The following CCDC47 variants were observed in gnomAD, a reference collection of about 807,000 sequenced individuals.
CCDC47 encodes the protein coiled-coil domain containing 47.
CCDC47 carries 41 observed loss-of-function variants against 60.5 expected under a neutral mutation model. That is an observed-to-expected ratio of 0.68 (90% CI 0.53 to 0.88). CCDC47 has a LOEUF of 0.88. CCDC47 is among the 40% of genes least tolerant of loss of function. The pLI, the probability that CCDC47 is intolerant of heterozygous loss-of-function variation, is 0.00. For synonymous variants in CCDC47, 195 were observed against 190.7 expected, an observed-to-expected ratio of 1.02 and a Z score of -0.18; for missense variants, 513 against 580.9, an observed-to-expected ratio of 0.88 and a Z score of 1.20.
chr17:63,773,147 A>T (rs1175602943), intron 1 of CCDC47, among the ~76,000 whole-genome samples: 2 of 152,244 alleles, frequency 1.3e-5, no homozygotes, highest in Non-Finnish European at 2.9e-5. Flanking sequence ...GACTGGCCAC[A>T]GAGGTTTTTG....
Position 63,761,074 on chromosome 17 carries a change from T to C in CCDC47, c.670-95A>G, listed in dbSNP as rs879104043. Reference sequence around the variant, plus strand: ...GGAGAATCAAATGCTTCATCAAATATACTTTACGACACATTTGCCAGTTAG... The same window carrying C: ...GGAGAATCAAATGCTTCATCAAATACACTTTACGACACATTTGCCAGTTAG... On this transcript the variant is annotated intron_variant, in intron 5 of 12. Coordinates refer to ENST00000225726, the MANE Select transcript of CCDC47 (RefSeq NM_020198.3). 3.8e-5 allele frequency: 52 copies of C among 1,378,332 alleles called. No homozygotes were observed. The South Asian group carries it at 5.8e-4, about 15-fold the overall frequency. The allele number at this position is 1,378,332 out of a possible 1,614,324, so 85.4% of individuals were successfully genotyped here. A position where few individuals can be genotyped will look rare whatever the true frequency, so the allele number is the denominator to read the frequency against.
intron 6 of CCDC47, 49 bp downstream of exon 6, chr17:63,760,865 A>C (rs778733499): frequency 7.7e-7 from 1 of 1,306,964 alleles, no homozygotes; most frequent in South Asian, 1.3e-5. Context: ...AAAGAAAGAA[A>C]ACAAATAATT....
intron 9 of CCDC47, among the ~76,000 whole-genome samples, 172 bp downstream of exon 9, chr17:63,754,261 G>A (rs1207774625): frequency 6.6e-6 from 1 of 152,154 alleles, no homozygotes; most frequent in Non-Finnish European, 1.5e-5. Context: ...TCTCCCATAG[G>A]TTTACAATGA....
chr17:63,755,636 C>T (rs1291325258), intron 8 of CCDC47, among the ~76,000 whole-genome samples: 1 of 152,062 alleles, frequency 6.6e-6, no homozygotes, highest in Non-Finnish European at 1.5e-5. Context: ...CTTGAACTTA[C>T]ATTTATAACC....
intron 11 of CCDC47, 31 bp downstream of exon 11, chr17:63,752,289 C>T: frequency 6.6e-7 from 1 of 1,525,590 alleles, no homozygotes; most frequent in African/African-American, 1.4e-5. Flanking sequence ...AAAAAGGTGC[C>T]AATTTATATA....
At chr17:63,762,467 T>C (rs1402924263) in intron 4 of CCDC47, among the ~76,000 whole-genome samples, 2 of 152,204 alleles carry the variant, frequency 1.3e-5, no homozygotes. Flanking sequence ...ACAGCAACTA[T>C]AGCCAATTGA....
Position 63,746,216 on chromosome 17 carries a change from C to A in CCDC47, c.*665G>T, listed in dbSNP as rs964931360. 1.3e-5 allele frequency: 2 copies of A among 152,218 alleles called. No individual in the cohort carries two copies. Among genetic ancestry groups the A allele is most frequent in the Admixed American group, 1.3e-4 (2 of 15,278 alleles). The allele number at this position is 152,218 out of a possible 1,614,324, so 9.4% of individuals were successfully genotyped here. A position where few individuals can be genotyped will look rare whatever the true frequency, so the allele number is the denominator to read the frequency against. ...GGTATCAGGTAAGGAAAAAATGATG[C>A]TCCTGTCCCTAGAATTTTCCATGTA... On this transcript the variant is annotated 3_prime_UTR_variant, in exon 13 of 13. Transcript: ENST00000225726.
At chr17:63,765,258 T>C (rs2039289371) in intron 2 of CCDC47, among the ~76,000 whole-genome samples, 1 of 152,160 alleles carries the variant, frequency 6.6e-6, no homozygotes, top group Admixed American at 6.6e-5. Flanking sequence ...ATACAATTTT[T>C]GTCAGTTACA....
intron 1 of CCDC47, among the ~76,000 whole-genome samples, chr17:63,769,217 T>C (rs1266882533): frequency 1.4e-5 from 2 of 146,890 alleles, no homozygotes; most frequent in Non-Finnish European, 3.0e-5. Flanking sequence ...GCCACTGCAC[T>C]ACAGCCTGGG....
chr17:63,749,713 C>T (rs1352969222), intron 12 of CCDC47, among the ~76,000 whole-genome samples: 4 of 150,680 alleles, frequency 2.7e-5, no homozygotes, highest in Admixed American at 1.3e-4. Flanking sequence ...CGCGCCACTG[C>T]ACTCCAGCCT....
chr17:63,767,627 C>T (rs1381558901), intron 1 of CCDC47, among the ~76,000 whole-genome samples: 1 of 152,018 alleles, frequency 6.6e-6, no homozygotes, highest in East Asian at 1.9e-4. Flanking sequence ...TTTTGACGCC[C>T]TACAAACTTT....
intron 6 of CCDC47, among the ~76,000 whole-genome samples, chr17:63,758,805 G>T (rs2039227205): frequency 6.6e-6 from 1 of 152,158 alleles, no homozygotes; most frequent in African/African-American, 2.4e-5. Context: ...GAACTGGTAA[G>T]ATGGCAGCTG....
intron 4 of CCDC47, chr17:63,762,124 TAA>T (rs1598309816): frequency 1.0e-6 from 1 of 984,366 alleles, no homozygotes; most frequent in African/African-American, 1.7e-5. Context: ...CTAATGGTAT[TAA>T]GAGTTGTATT....
In CCDC47 at chr17:63,756,479, ATC is replaced by A; in HGVS notation, c.825_826del (p.Glu275AspfsTer6). 1 of 1,613,582 alleles carries A rather than the reference ATC, an allele frequency of 6.2e-7. No homozygotes were observed. The highest frequency in any genetic ancestry group is 8.5e-7 in the Non-Finnish European group (1 of 1,179,438). On this transcript the variant is annotated frameshift_variant, in exon 7 of 13. Transcript: ENST00000225726. LOFTEE classifies it high-confidence loss of function. ...AGCAACCTGACATACCAAATCCTGC[ATC>A]TCTTTCTGTAGTCGCACCAAGGCTT...
Position 63,755,375 on chromosome 17 carries a change from T to C in CCDC47, c.949-857A>G, listed in dbSNP as rs979359542. The C allele has an allele frequency of 1.2e-5, 10 of 844,954 alleles. No homozygotes were observed. In the African/African-American group the frequency reaches 1.8e-4, roughly 16 times the overall value. 52.3% of individuals were successfully genotyped at this position (844,954 alleles called of 1,614,324 possible). On this transcript the variant is annotated intron_variant, in intron 8 of 12. Transcript: ENST00000225726. Reference sequence around the variant, plus strand: ...TGGCTCATGCCTGTAATCCAAGCGCTTTGGGAGGCCAAGGTGGGTGGATCA... The same window carrying C: ...TGGCTCATGCCTGTAATCCAAGCGCCTTGGGAGGCCAAGGTGGGTGGATCA...
chr17:63,748,884 G>A (rs1284225539), intron 12 of CCDC47, among the ~76,000 whole-genome samples: 3 of 151,768 alleles, frequency 2.0e-5, no homozygotes, highest in Non-Finnish European at 2.9e-5. Context: ...TGTGGTGGCG[G>A]GCACCTGTAA....
chr17:63,765,768 C>T, intron 2 of CCDC47, 144 bp downstream of exon 2: 1 of 1,391,576 alleles, frequency 7.2e-7, no homozygotes, highest in Non-Finnish European at 9.5e-7. Flanking sequence ...AAACTTACCA[C>T]AGAACATTTA....
Position 63,752,760 on chromosome 17 carries a change from T to C in CCDC47, c.1074A>G (p.Thr358=), listed in dbSNP as rs1259195923. The C allele has an allele frequency of 6.2e-7, 1 of 1,612,490 alleles. No homozygotes were observed. Residue 358 remains threonine (T), a synonymous_variant, in exon 10 of 13, where the codon ACA becomes ACG. Coordinates refer to ENST00000225726, the MANE Select transcript of CCDC47 (RefSeq NM_020198.3). ...QPLKLPDTKR[T]LLFTFNVPGS... is the part of the protein sequence containing the mutation. ...ACTTACCATTAAATGTAAACAACAGTGTCCTCTTAGTGTCAGGTAGCTTTA... is the reference window on the plus strand; with the variant it reads ...ACTTACCATTAAATGTAAACAACAGCGTCCTCTTAGTGTCAGGTAGCTTTA...
intron 12 of CCDC47, among the ~76,000 whole-genome samples, chr17:63,748,964 A>G (rs1341148288): frequency 2.6e-5 from 4 of 151,746 alleles, no homozygotes; most frequent in African/African-American, 9.7e-5. Flanking sequence ...CAGTGAGCCA[A>G]GATTGTGCCA....
Sources: allele counts gnomAD v4.1 joint callset (sites outside exome capture counted in the v4.1 genomes callset), GRCh38; gene constraint gnomAD v4.1.1; transcripts MANE v1.5; gene names NCBI Gene and HGNC (gene_info 2026-07-23, HGNC 2026-07-21).